The following HAUS5 variants were observed in gnomAD, a reference collection of about 807,000 sequenced individuals.
HAUS5 encodes HAUS augmin-like complex subunit 5.
In HAUS5, 67 loss-of-function variants were observed where a neutral mutation model predicts 94.1. The ratio of observed to expected loss-of-function variants is 0.71; its 90% CI spans 0.58 to 0.87. The LOEUF is 0.87. HAUS5 is among the 40% of genes least tolerant of loss of function. The pLI is 0.00. For synonymous variants in HAUS5, 339 were observed against 355.4 expected (o/e 0.95, Z 0.52); for missense variants, 739 against 825.6 (o/e 0.90, Z 1.29).
At chr19:35,618,030 C>G in intron 9 of HAUS5, 41 bp from the exon 10 acceptor site, 1 of 1,587,896 alleles carries the variant, frequency 6.3e-7, no homozygotes, top group Non-Finnish European at 8.6e-7. Context: ...GCTCACAGCC[C>G]TGCCCCGATC....
chr19:35,619,050 G>T lies in HAUS5; in HGVS notation c.1179+1G>T. The T allele has an allele frequency of 6.3e-7, 1 of 1,585,552 alleles. No individual in the cohort carries two copies. The highest frequency in any genetic ancestry group is 8.6e-7 in the Non-Finnish European group (1 of 1,167,750). Reference sequence around the variant, plus strand: ...GATCCTGCACTGGCGCCAGCTGGTGGTGAGAGGCTAGGCCCAGGGCCTTGT... The same window carrying T: ...GATCCTGCACTGGCGCCAGCTGGTGTTGAGAGGCTAGGCCCAGGGCCTTGT... On this transcript the variant is annotated splice_donor_variant, in intron 13 of 18. Coordinates refer to ENST00000203166, the MANE Select transcript of HAUS5 (RefSeq NM_015302.2). LOFTEE classifies it high-confidence loss of function.
Position 35,623,047 on chromosome 19 carries a change from A to C in HAUS5, c.*54A>C. 9.6e-5 allele frequency: 111 copies of C among 1,160,036 alleles called. No individual in the cohort carries two copies. The highest frequency in any genetic ancestry group is 1.3e-4 in the Non-Finnish European group (99 of 791,956). 71.9% of individuals were successfully genotyped at this position (1,160,036 alleles called of 1,614,324 possible). On this transcript the variant is annotated 3_prime_UTR_variant, in exon 19 of 19. Transcript: ENST00000203166. ...TTGACACTGTTCACCCCAACACCTC[A>C]CCTCCCCCAGGACATTTGGAAGAAA...
chr19:35,620,183 C>A lies in HAUS5; in HGVS notation c.1519-12C>A. The A allele has an allele frequency of 6.2e-7, 1 of 1,611,974 alleles. No homozygotes were observed. The highest frequency in any genetic ancestry group is 1.1e-5 in the South Asian group (1 of 91,018). On this transcript the variant is annotated splice_polypyrimidine_tract_variant and intron_variant, in intron 16 of 18. Transcript: ENST00000203166. The stretch of plus-strand genomic sequence containing the variant: ...CCCCGCCCCAGGTGACCGTCCTTCC[C>A]TCCTCCTCCAGGCCTCGGAGCTGCT...
At chr19:35,617,233 G>T in intron 7 of HAUS5, 40 bp downstream of exon 7, 1 of 1,606,598 alleles carries the variant, frequency 6.2e-7, no homozygotes, top group Non-Finnish European at 8.5e-7. Context: ...AGGGAGCCTG[G>T]AGTCAGGCAG....
chr19:35,624,522 C>G lies in HAUS5; in HGVS notation c.*1529C>G, dbSNP rs550555437. ...AGGCTGAAGTGCAGTGGCATGAACTCAGCTCACTGCAACCTCTGCCTCCTG... is the reference window on the plus strand; with the variant it reads ...AGGCTGAAGTGCAGTGGCATGAACTGAGCTCACTGCAACCTCTGCCTCCTG... On this transcript the variant is annotated 3_prime_UTR_variant, in exon 19 of 19. Coordinates refer to ENST00000203166, the MANE Select transcript of HAUS5 (RefSeq NM_015302.2). 2.0e-5 allele frequency: 3 copies of G among 152,142 alleles called. No individual in the cohort carries two copies. The East Asian group carries it at 5.8e-4, about 29-fold the overall frequency. 9.4% of individuals were successfully genotyped at this position (152,142 alleles called of 1,614,324 possible).
chr19:35,618,088 C>T lies in HAUS5; in HGVS notation c.714C>T (p.His238=), dbSNP rs1967133444. Residue 238 remains histidine (H), a synonymous_variant, in exon 10 of 19, where the codon CAC becomes CAT. Transcript: ENST00000203166. ...LSSVETLLTN[H]PPGHVLAALE... The stretch of plus-strand genomic sequence containing the variant: ...CCCCCTAGACGCTGCTGACAAACCA[C>T]CCCCCAGGCCACGTCCTGGCTGCCT... The T allele has an allele frequency of 6.3e-7, 1 of 1,596,372 alleles. No homozygotes were observed. The highest frequency in any genetic ancestry group is 8.6e-7 in the Non-Finnish European group (1 of 1,169,416).
In HAUS5 at chr19:35,619,023, C is replaced by T. The variant is rs370064770; in HGVS notation, c.1153C>T (p.Arg385Trp). 52 of 1,605,530 alleles carry T rather than the reference C, an allele frequency of 3.2e-5. No homozygotes were observed. In the East Asian group the frequency reaches 4.5e-4, roughly 14 times the overall value. The change falls in exon 13 of 19, where the codon CGG (arginine) becomes TGG (tryptophan). Residue 385 changes from arginine (R) to tryptophan (W), a missense_variant. Transcript: ENST00000203166. ...LLRELQAKQQRILHWRQLVEE... is the reference protein window; with the variant it reads ...LLRELQAKQQWILHWRQLVEE... ...GAGGGAGCTACAGGCCAAACAGCAGCGGATCCTGCACTGGCGCCAGCTGGT... is the reference window on the plus strand; with the variant it reads ...GAGGGAGCTACAGGCCAAACAGCAGTGGATCCTGCACTGGCGCCAGCTGGT...
chr19:35,613,633 C>A (rs1027121460), intron 1 of HAUS5, 97 bp from the exon 2 acceptor site: 4 of 911,918 alleles, frequency 4.4e-6, no homozygotes, highest in Admixed American at 2.5e-5. Flanking sequence ...GAAGTGAGAA[C>A]TCCCTAGTAA....
chr19:35,615,168 A>G, intron 5 of HAUS5, 21 bp downstream of exon 5: 7 of 1,611,362 alleles, frequency 4.3e-6, no homozygotes, highest in Non-Finnish European at 5.1e-6. Flanking sequence ...GGGCCAGAAG[A>G]TGGGCACCAG....
In HAUS5 at chr19:35,617,870, CCACTTTGG is replaced by C; in HGVS notation, c.660_667del (p.Gly221ValfsTer115). 1 of 1,614,014 alleles carries C rather than the reference CCACTTTGG, an allele frequency of 6.2e-7. No homozygotes were observed. Among genetic ancestry groups the C allele is most frequent in the Non-Finnish European group, 8.5e-7 (1 of 1,179,938 alleles). On this transcript the variant is annotated frameshift_variant, in exon 9 of 19. Coordinates refer to ENST00000203166, the MANE Select transcript of HAUS5 (RefSeq NM_015302.2). LOFTEE classifies it high-confidence loss of function. ...AACCCCACAGAACCCCTCATGATGA[CCACTTTGG>C]CACTTCGTACCAGCAGTGGCTGAGC...
Position 35,623,573 on chromosome 19 carries a change from G to T in HAUS5, c.*580G>T. 1 of 153,116 alleles carries T rather than the reference G, an allele frequency of 6.5e-6. No homozygotes were observed. The highest frequency in any genetic ancestry group is 1.5e-5 in the Non-Finnish European group (1 of 68,668). The allele number at this position is 153,116 out of a possible 1,614,324, so 9.5% of individuals were successfully genotyped here. ...CCACTGAGGGGGACAGTGTAGGTTG[G>T]GGGTGAGGAATGTATTAAAAGATGA... is the stretch of plus-strand genomic sequence containing the variant. On this transcript the variant is annotated 3_prime_UTR_variant, in exon 19 of 19. Coordinates refer to ENST00000203166, the MANE Select transcript of HAUS5 (RefSeq NM_015302.2).
At position 35,619,092 on chromosome 19, in the gene HAUS5, G is replaced by A. The variant is rs1290816662; in HGVS notation, c.1179+43G>A. The A allele has an allele frequency of 2.0e-6, 3 of 1,512,382 alleles. No individual in the cohort carries two copies. In the African/African-American group the frequency reaches 4.2e-5, roughly 21 times the overall value. 93.7% of individuals were successfully genotyped at this position (1,512,382 alleles called of 1,614,324 possible). A position where few individuals can be genotyped will look rare whatever the true frequency, so the allele number is the denominator to read the frequency against. ...GGGCCTTGTGGAGGGCCAGAGGGGA[G>A]GCTTGAAAACTATGGCTAAGAACTG... is the stretch of plus-strand genomic sequence containing the variant. On this transcript the variant is annotated intron_variant, in intron 13 of 18. Coordinates refer to ENST00000203166, the MANE Select transcript of HAUS5 (RefSeq NM_015302.2).
At position 35,618,437 on chromosome 19, in the gene HAUS5, C is replaced by T; in HGVS notation, c.857C>T (p.Thr286Ile). 4 of 1,612,282 alleles carry T rather than the reference C, an allele frequency of 2.5e-6. No individual in the cohort carries two copies. Among genetic ancestry groups the T allele is most frequent in the Non-Finnish European group, 3.4e-6 (4 of 1,178,500 alleles). ...QAPDQSDSSQ[T>I]LPSMVHLIQE... ...CCGGACCAGTCAGACTCCAGCCAGA[C>T]CCTGCCGTCCATGGTTCATCTCATC... is the stretch of plus-strand genomic sequence containing the variant. The change falls in exon 11 of 19, where the codon ACC becomes ATC. Residue 286 changes from threonine to isoleucine, a missense_variant. Thr to Ile is a moderately conservative substitution (Grantham distance 89). Transcript: ENST00000203166.
intron 1 of HAUS5, 127 bp from the exon 2 acceptor site, chr19:35,613,603 T>A: frequency 1.4e-6 from 1 of 715,146 alleles, no homozygotes; most frequent in Admixed American, 3.0e-5. Context: ...CAAAAAAAAG[T>A]TTGGGCCTTC....
chr19:35,619,610 C>CCCCCG lies in HAUS5; in HGVS notation c.1261-3_1261-2insCCCCG. On this transcript the variant is annotated splice_region_variant and splice_polypyrimidine_tract_variant and intron_variant, in intron 14 of 18. Transcript: ENST00000203166. ...CCCCACCCACCCCTCCCCTTCCCCA[C>CCCCCG]AGGTGCTAGCTCTGGTCCAGCGAAA... 6.3e-7 allele frequency: 1 copy of CCCCCG among 1,586,338 alleles called. No individual in the cohort carries two copies. The highest frequency in any genetic ancestry group is 1.8e-5 in the Admixed American group (1 of 56,126).
At position 35,620,469 on chromosome 19, in the gene HAUS5, T is replaced by C. The variant is rs991743658; in HGVS notation, c.1651+142T>C. On this transcript the variant is annotated intron_variant, in intron 17 of 18. Transcript: ENST00000203166. ...TTTAAACATTCTCCCTTGTTTCATC[T>C]GCACGGCAGTCCCATAAGGTAAGTG... The C allele has an allele frequency of 8.4e-6, 6 of 716,118 alleles. No individual in the cohort carries two copies. In the African/African-American group the frequency reaches 8.9e-5, roughly 11 times the overall value. The allele number at this position is 716,118 out of a possible 1,614,324, so 44.4% of individuals were successfully genotyped here.
At chr19:35,612,982 C>T in intron 1 of HAUS5, 90 bp downstream of exon 1, 1 of 905,760 alleles carries the variant, frequency 1.1e-6, no homozygotes, top group Non-Finnish European at 1.6e-6. Context: ...GACTCGACTC[C>T]CCCCAATTCC....
At position 35,618,150 on chromosome 19, in the gene HAUS5, G is replaced by C. The variant is rs773299607; in HGVS notation, c.776G>C (p.Arg259Pro). ...HLAAEREAEI[R>P]SLCSGDGLGD... Reference sequence around the variant, plus strand: ...GCTGCAGAGCGGGAGGCAGAGATTCGGTCCCTGTGCAGTGGGGATGGGCTT... The same window carrying C: ...GCTGCAGAGCGGGAGGCAGAGATTCCGTCCCTGTGCAGTGGGGATGGGCTT... The change falls in exon 10 of 19, where the codon CGG becomes CCG. Residue 259 changes from arginine to proline, a missense_variant. Coordinates refer to ENST00000203166, the MANE Select transcript of HAUS5 (RefSeq NM_015302.2). 6 of 1,610,240 alleles carry C rather than the reference G, an allele frequency of 3.7e-6. No individual in the cohort carries two copies. The highest frequency in any genetic ancestry group is 1.7e-4 in the Middle Eastern group (1 of 6,042).
chr19:35,615,040 A>G lies in HAUS5; in HGVS notation c.220-2A>G, dbSNP rs768310361. 6.3e-6 allele frequency: 10 copies of G among 1,582,716 alleles called. No homozygotes were observed. Among genetic ancestry groups the G allele is most frequent in the Non-Finnish European group, 8.6e-6 (10 of 1,164,070 alleles). On this transcript the variant is annotated splice_acceptor_variant, in intron 4 of 18. Transcript: ENST00000203166. LOFTEE classifies it high-confidence loss of function. ...ATCTGACCCTGAATCTGATCCTCCCAGGTCCGTCGGAAGTTAGAGCTGGAA... is the reference window on the plus strand; with the variant it reads ...ATCTGACCCTGAATCTGATCCTCCCGGGTCCGTCGGAAGTTAGAGCTGGAA...
Sources: allele counts gnomAD v4.1 joint callset, GRCh38; gene constraint gnomAD v4.1.1; transcripts MANE v1.5; gene names NCBI Gene and HGNC (gene_info 2026-07-23, HGNC 2026-07-21).